The following CLASP2 variants were observed in gnomAD, a reference collection of about 807,000 sequenced individuals.
The protein encoded by CLASP2 is CLIP-associating protein 2.
CLASP2 carries 47 observed loss-of-function variants against 194.4 expected under a neutral mutation model. The ratio of observed to expected loss-of-function variants is 0.24; its 90% CI spans 0.19 to 0.31. The LOEUF is 0.31. Ranked by LOEUF, CLASP2 falls within the 10% of genes least tolerant of loss-of-function variation. The pLI is 1.00. For synonymous variants in CLASP2, 619 were observed against 633.5 expected (o/e 0.98, Z 0.34); for missense variants, 1,445 against 1,823.6 (o/e 0.79, Z 3.78).
intron 27 of CLASP2, among the ~76,000 whole-genome samples, chr3:33,561,272 T>A (rs1576453400): frequency 6.6e-6 from 1 of 152,260 alleles, no homozygotes; most frequent in East Asian, 1.9e-4. Context: ...CAGCTTAAAC[T>A]GGGTAAAGTG....
intron 13 of CLASP2, among the ~76,000 whole-genome samples, chr3:33,611,031 C>A (rs1236553115): frequency 6.6e-6 from 1 of 152,100 alleles, no homozygotes; most frequent in African/African-American, 2.4e-5. Context: ...AAAATGAAGT[C>A]ATTTGTGTTA....
intron 2 of CLASP2, among the ~76,000 whole-genome samples, chr3:33,692,941 G>A (rs930463878): frequency 2.0e-5 from 3 of 151,812 alleles, no homozygotes; most frequent in East Asian, 1.9e-4. Context: ...AGTGATAACC[G>A]GGTAGCCTAA....
At chr3:33,545,922 AAG>A (rs1473352050) in intron 30 of CLASP2, among the ~76,000 whole-genome samples, 1 of 152,030 alleles carries the variant, frequency 6.6e-6, no homozygotes, top group Non-Finnish European at 1.5e-5. Context: ...AAAAAAAAAA[AAG>A]AGTGTTATGA....
Position 33,573,245 on chromosome 3 carries a change from C to T in CLASP2, c.2564G>A (p.Gly855Asp). Residue 855 changes from glycine (G) to aspartate (D), a missense_variant, in exon 25 of 39, where the codon GGT (glycine) becomes GAT (aspartate). Physicochemically the swap from Gly to Asp is moderately conservative, Grantham distance 94. Coordinates refer to ENST00000682230, the MANE Select transcript of CLASP2 (RefSeq NM_001365631.1). ...CTGCCTCATATATGTAGGAATACTA[C>T]CATTTCGAGAACTATAGGAGCGTTC... ...CSERSYSSRN[G>D]SIPTYMRQTE... 4.3e-6 allele frequency: 7 copies of T among 1,613,904 alleles called. No individual in the cohort carries two copies. The highest frequency in any genetic ancestry group is 5.9e-6 in the Non-Finnish European group (7 of 1,179,856).
intron 23 of CLASP2, chr3:33,577,297 T>C: frequency 1.0e-5 from 16 of 1,561,214 alleles, no homozygotes; most frequent in Non-Finnish European, 1.4e-5. Context: ...ACCTCATCTA[T>C]TACCACAGAA....
intron 8 of CLASP2, among the ~76,000 whole-genome samples, chr3:33,637,723 C>T (rs747645878): frequency 4.3e-4 from 65 of 152,048 alleles, no homozygotes; most frequent in Admixed American, 5.9e-4. Context: ...TGCAAATTAA[C>T]GAATCATCGT....
intron 34 of CLASP2, 129 bp downstream of exon 34, chr3:33,535,104 G>C (rs1576041661): frequency 1.5e-6 from 1 of 648,832 alleles, no homozygotes; most frequent in South Asian, 2.0e-5. Flanking sequence ...TAGAAGATGG[G>C]AGAAAACATT....
chr3:33,630,768 C>T (rs913490718), intron 9 of CLASP2, among the ~76,000 whole-genome samples: 43 of 152,164 alleles, frequency 2.8e-4, no homozygotes, highest in African/African-American at 1.0e-3. Context: ...TTTTCCCCTC[C>T]GTATAGTTGA....
chr3:33,516,895 T>C (rs1383867549), intron 35 of CLASP2, 86 bp downstream of exon 35: 51 of 1,147,018 alleles, frequency 4.4e-5, no homozygotes, highest in Non-Finnish European at 5.3e-5. Context: ...ATTCTCCCAA[T>C]TGCTAAATCC....
chr3:33,514,346 T>G (rs1490126465), intron 36 of CLASP2, among the ~76,000 whole-genome samples: 1 of 152,142 alleles, frequency 6.6e-6, no homozygotes, highest in Non-Finnish European at 1.5e-5. Flanking sequence ...CACAAAAGGA[T>G]TTAATGCTGA....
intron 14 of CLASP2, among the ~76,000 whole-genome samples, chr3:33,607,742 A>T (rs1228351286): frequency 6.6e-6 from 1 of 152,128 alleles, no homozygotes. Flanking sequence ...ATAGTACCTA[A>T]ATTTTTAATT....
chr3:33,646,251 A>G (rs1309627991), intron 7 of CLASP2, among the ~76,000 whole-genome samples: 1 of 151,778 alleles, frequency 6.6e-6, no homozygotes, highest in African/African-American at 2.4e-5. Flanking sequence ...ATCTTAAAAT[A>G]TGCCAAGAAA....
chr3:33,639,139 C>G (rs1171672727), intron 8 of CLASP2, among the ~76,000 whole-genome samples: 1 of 152,000 alleles, frequency 6.6e-6, no homozygotes, highest in Non-Finnish European at 1.5e-5. Flanking sequence ...TGCACTACAG[C>G]CTCAACCTCC....
intron 18 of CLASP2, among the ~76,000 whole-genome samples, chr3:33,601,175 T>C (rs1305209133): frequency 6.6e-6 from 1 of 152,050 alleles, no homozygotes; most frequent in Non-Finnish European, 1.5e-5. Flanking sequence ...TTAGCCAGGA[T>C]GGTCTCGATC....
intron 29 of CLASP2, among the ~76,000 whole-genome samples, chr3:33,556,439 CTT>C (rs145188128): frequency 7.0e-5 from 10 of 143,338 alleles, no homozygotes; most frequent in Admixed American, 1.4e-4. Flanking sequence ...TTCTTTCTTT[CTT>C]TTTTTTTTTT....
At chr3:33,608,744 C>CTT (rs766687478) in intron 13 of CLASP2, 118 bp from the exon 14 acceptor site, 2,634 of 159,222 alleles carry the variant, frequency 0.017, 5 homozygotes, top group Non-Finnish European at 0.019. Context: ...TTTTAGATAT[C>CTT]TTTTTTTTTT....
intron 18 of CLASP2, among the ~76,000 whole-genome samples, chr3:33,598,429 A>T (rs553695474): frequency 6.6e-6 from 1 of 151,956 alleles, no homozygotes; most frequent in Non-Finnish European, 1.5e-5. Context: ...CCCCTTCTAC[A>T]TCTGTGAAAT....
At chr3:33,528,103 T>C (rs2055123069) in intron 34 of CLASP2, among the ~76,000 whole-genome samples, 1 of 152,178 alleles carries the variant, frequency 6.6e-6, no homozygotes, top group Admixed American at 6.5e-5. Context: ...CATGGTCATG[T>C]AGGCCTCATC....
chr3:33,613,285 C>T (rs928193970), intron 12 of CLASP2, among the ~76,000 whole-genome samples: 5 of 152,256 alleles, frequency 3.3e-5, no homozygotes, highest in Middle Eastern at 3.4e-3. Flanking sequence ...AAAACCATTA[C>T]GAAGCTCTAA....
Sources: allele counts gnomAD v4.1 joint callset (sites outside exome capture counted in the v4.1 genomes callset), GRCh38; gene constraint gnomAD v4.1.1; transcripts MANE v1.5; gene names NCBI Gene and HGNC (gene_info 2026-07-23, HGNC 2026-07-21).